The following IL1RAPL1 variants were observed in gnomAD, a reference collection of about 807,000 sequenced individuals.
IL1RAPL1 encodes interleukin-1 receptor accessory protein-like 1.
Under a neutral mutation model 48.4 loss-of-function variants are expected in IL1RAPL1, and 3 were observed. The ratio of observed to expected loss-of-function variants is 0.06; its 90% CI spans 0.03 to 0.16. The LOEUF is 0.16. Among genes scored for constraint, IL1RAPL1 ranks in the 10% least tolerant of loss-of-function variants. IL1RAPL1 has a pLI of 1.00. For missense variants in IL1RAPL1, 349 were observed against 530.6 expected, an observed-to-expected ratio of 0.66 and a Z score of 3.36; for synonymous variants, 185 against 187.7, an observed-to-expected ratio of 0.99 and a Z score of 0.12.
chrX:28,816,457 T>C, intron 2 of IL1RAPL1, among the ~76,000 whole-genome samples: 1 of 110,508 alleles, frequency 9.0e-6, no homozygotes, highest in Non-Finnish European at 1.9e-5. Context: ...TTCATGAGTA[T>C]CCAGTGTTTA....
intron 2 of IL1RAPL1, among the ~76,000 whole-genome samples, chrX:29,107,538 A>G (rs1251158182): frequency 8.9e-6 from 1 of 111,962 alleles, no homozygotes; most frequent in East Asian, 2.8e-4. Flanking sequence ...AAGAGGTTTC[A>G]GTAGGATTTA....
rs539577442 is a variant in IL1RAPL1, at chrX:29,449,738, TACACAC to T, written c.703+50468_703+50473del. The stretch of plus-strand genomic sequence containing the variant: ...AGAGTAACTTATGCATACATATGCA[TACACAC>T]ACACACACACACACACACACACACA... On this transcript the variant is annotated intron_variant, in intron 5 of 10. Transcript: ENST00000378993. Among the ~76,000 whole-genome samples the T allele has an allele frequency of 2.5e-3, 159 of 63,907 alleles. 2 individuals carry two copies. In the East Asian group the frequency reaches 0.039, roughly 15 times the overall value. 55.5% of individuals were successfully genotyped at this position (63,907 alleles called of 115,157 possible). A position where few individuals can be genotyped will look rare whatever the true frequency, so the allele number is the denominator to read the frequency against.
intron 2 of IL1RAPL1, among the ~76,000 whole-genome samples, chrX:28,827,023 A>T (rs114236364): frequency 0.017 from 1,894 of 111,380 alleles, 42 homozygotes; most frequent in African/African-American, 0.058. Context: ...ATCAGCATGG[A>T]TAATTAAATT....
intron 2 of IL1RAPL1, among the ~76,000 whole-genome samples, chrX:29,027,230 C>T (rs897377104): frequency 3.6e-5 from 4 of 112,226 alleles, no homozygotes; most frequent in Admixed American, 2.8e-4. Flanking sequence ...AACCACAAAC[C>T]TTTTTACTAT....
intron 2 of IL1RAPL1, among the ~76,000 whole-genome samples, chrX:29,127,662 T>C (rs1320939401): frequency 9.0e-6 from 1 of 111,511 alleles, no homozygotes; most frequent in East Asian, 2.8e-4. Flanking sequence ...ACAGGATCTT[T>C]AAATTTAATA....
intron 5 of IL1RAPL1, among the ~76,000 whole-genome samples, chrX:29,477,936 C>T (rs1315707722): frequency 9.0e-6 from 1 of 111,155 alleles, no homozygotes; most frequent in Non-Finnish European, 1.9e-5. Flanking sequence ...ACCAAAAGAA[C>T]AAACCACAAG....
chrX:29,938,074 C>G (rs1034809866), intron 8 of IL1RAPL1, among the ~76,000 whole-genome samples: 2 of 111,650 alleles, frequency 1.8e-5, no homozygotes, highest in Non-Finnish European at 3.8e-5. Context: ...TTAAACAACA[C>G]TATTGATTGG....
chrX:29,400,863 G>A (rs1000911107), intron 5 of IL1RAPL1, among the ~76,000 whole-genome samples: 14 of 111,936 alleles, frequency 1.3e-4, no homozygotes, highest in Non-Finnish European at 2.4e-4. Context: ...ATAAAGTAAA[G>A]CAATCTATCC....
At chrX:29,542,702 G>A (rs1441047901) in intron 5 of IL1RAPL1, among the ~76,000 whole-genome samples, 1 of 111,751 alleles carries the variant, frequency 8.9e-6, no homozygotes, top group Non-Finnish European at 1.9e-5. Context: ...TAATCTTTAT[G>A]AGGCAGTACC....
chrX:29,102,581 G>C (rs1219143579), intron 2 of IL1RAPL1, among the ~76,000 whole-genome samples: 1 of 109,057 alleles, frequency 9.2e-6, no homozygotes, highest in Non-Finnish European at 1.9e-5. Flanking sequence ...CAGGAGAATC[G>C]CTTGAACCCA....
At chrX:29,154,553 G>C (rs1461292060) in intron 2 of IL1RAPL1, among the ~76,000 whole-genome samples, 2 of 109,793 alleles carry the variant, frequency 1.8e-5, no homozygotes, top group Non-Finnish European at 3.8e-5. Flanking sequence ...AAAAAAAATT[G>C]TGGAGTCCAA....
Position 29,283,371 on chromosome X carries a change from A to G in IL1RAPL1, c.362+154A>G, listed in dbSNP as rs773732559. On this transcript the variant is annotated intron_variant, in intron 3 of 10. Transcript: ENST00000378993. ...AATTTAGAATCAAAATCATAAAAAGATGGGATTGGAATTTATATTAGACAT... is the reference window on the plus strand; with the variant it reads ...AATTTAGAATCAAAATCATAAAAAGGTGGGATTGGAATTTATATTAGACAT... Among the ~76,000 whole-genome samples the G allele has an allele frequency of 4.4e-5, 5 of 112,393 alleles. No individual in the cohort carries two copies. In the South Asian group the frequency reaches 1.5e-3, roughly 33 times the overall value.
At chrX:28,722,822 A>G (rs2146941087) in intron 1 of IL1RAPL1, among the ~76,000 whole-genome samples, 1 of 111,594 alleles carries the variant, frequency 9.0e-6, no homozygotes, top group East Asian at 2.8e-4. Flanking sequence ...AATTTTGTCA[A>G]AGGCCTTTTC....
chrX:28,701,201 A>G (rs1207615382), intron 1 of IL1RAPL1, among the ~76,000 whole-genome samples: 1 of 111,481 alleles, frequency 9.0e-6, no homozygotes, highest in Non-Finnish European at 1.9e-5. Flanking sequence ...TCTACTCTTA[A>G]GTTATGCTCT....
Position 29,562,387 on chromosome X carries a change from A to G in IL1RAPL1, c.704-106043A>G, listed in dbSNP as rs770699250. ...GACATAGAGGGTACTCTGGCATTGA[A>G]GAGAGACACTAGAAGGATGGACATT... On this transcript the variant is annotated intron_variant, in intron 5 of 10. Transcript: ENST00000378993. Among the ~76,000 whole-genome samples, 3 of 111,288 alleles carry G rather than the reference A, an allele frequency of 2.7e-5. No individual in the cohort carries two copies. In the Admixed American group the frequency reaches 2.9e-4, roughly 11 times the overall value.
intron 3 of IL1RAPL1, among the ~76,000 whole-genome samples, chrX:29,364,788 T>A (rs1351734381): frequency 9.0e-6 from 1 of 110,753 alleles, no homozygotes; most frequent in Non-Finnish European, 1.9e-5. Context: ...ATGCAAATAC[T>A]ACACCATTTT....
rs752374838 is a variant in IL1RAPL1, at chrX:29,778,523, A to G, written c.778+110019A>G. Among the ~76,000 whole-genome samples, 5 of 112,075 alleles carry G rather than the reference A, an allele frequency of 4.5e-5. No individual in the cohort carries two copies. The South Asian group carries it at 1.8e-3, about 41-fold the overall frequency. On this transcript the variant is annotated intron_variant, in intron 6 of 10. Coordinates refer to ENST00000378993, the MANE Select transcript of IL1RAPL1 (RefSeq NM_014271.4). The stretch of plus-strand genomic sequence containing the variant: ...ATCTACCGCAGTCCCTGCCTGGCAC[A>G]TAAGTGATCAACAAATATTTTGTTA...
intron 5 of IL1RAPL1, among the ~76,000 whole-genome samples, chrX:29,630,884 G>A (rs190143935): frequency 3.5e-3 from 390 of 112,367 alleles, no homozygotes; most frequent in African/African-American, 0.012. Flanking sequence ...ATATTTAACT[G>A]TTCTATCTTT....
At chrX:29,361,975 G>A (rs1429169703) in intron 3 of IL1RAPL1, among the ~76,000 whole-genome samples, 1 of 111,947 alleles carries the variant, frequency 8.9e-6, no homozygotes, top group Non-Finnish European at 1.9e-5. Flanking sequence ...AGCCAAGAGA[G>A]CTTATTAAGC....
Sources: allele counts gnomAD v4.1 joint callset (sites outside exome capture counted in the v4.1 genomes callset), GRCh38; gene constraint gnomAD v4.1.1; transcripts MANE v1.5; gene names NCBI Gene and HGNC (gene_info 2026-07-23, HGNC 2026-07-21).